JPH1: variants seen among roughly 807,000 people sequenced by gnomAD.
JPH1 encodes the protein junctophilin 1.
JPH1 carries 12 observed loss-of-function variants against 53.6 expected under a neutral mutation model. That is an observed-to-expected ratio of 0.22 (90% CI 0.14 to 0.36). The LOEUF (loss-of-function observed/expected upper bound fraction) is 0.36, where lower values mean the gene tolerates loss of function less well. Among genes scored for constraint, JPH1 ranks in the 10% least tolerant of loss-of-function variants. The pLI, the probability that JPH1 is intolerant of heterozygous loss-of-function variation, is 1.00. For missense variants in JPH1, 808 were observed against 905.5 expected, an observed-to-expected ratio of 0.89 and a Z score of 1.38; for synonymous variants, 375 against 363.8, an observed-to-expected ratio of 1.03 and a Z score of -0.35.
chr8:74,247,683 A>T (rs1189257324), intron 3 of JPH1, among the ~76,000 whole-genome samples: 1 of 152,214 alleles, frequency 6.6e-6, no homozygotes, highest in Admixed American at 6.5e-5. Flanking sequence ...CATGCATTTC[A>T]CTTAGAAGAT....
chr8:74,237,150 A>G, intron 5 of JPH1, 58 bp downstream of exon 5: 1 of 1,141,294 alleles, frequency 8.8e-7, no homozygotes, highest in Non-Finnish European at 1.3e-6. Context: ...GCAAATTTGC[A>G]TATGAGAAAA....
intron 2 of JPH1, among the ~76,000 whole-genome samples, chr8:74,305,745 G>A (rs1807814157): frequency 6.6e-6 from 1 of 152,096 alleles, no homozygotes; most frequent in Non-Finnish European, 1.5e-5. Flanking sequence ...ACCCTATACA[G>A]TCTCTTCTCC....
chr8:74,258,619 CCTTTGAA>C (rs1302195510), intron 3 of JPH1, among the ~76,000 whole-genome samples: 2 of 152,104 alleles, frequency 1.3e-5, no homozygotes, highest in African/African-American at 4.8e-5. Context: ...TAACCACAGT[CCTTTGAA>C]CTTTGAACTT....
chr8:74,298,389 T>G (rs1040813811), intron 2 of JPH1, among the ~76,000 whole-genome samples: 6 of 152,216 alleles, frequency 3.9e-5, no homozygotes, highest in African/African-American at 1.2e-4. Flanking sequence ...CCTAGATGCA[T>G]TTATTCATGT....
chr8:74,255,147 C>G (rs536268046), intron 3 of JPH1, among the ~76,000 whole-genome samples: 2,119 of 152,210 alleles, frequency 0.014, 75 homozygotes, highest in African/African-American at 0.049. Flanking sequence ...TCAAACTATA[C>G]TATAAGGCTA....
chr8:74,265,732 G>A (rs1409736351), intron 2 of JPH1, among the ~76,000 whole-genome samples: 1 of 152,092 alleles, frequency 6.6e-6, no homozygotes, highest in Non-Finnish European at 1.5e-5. Context: ...CTGATAAGGG[G>A]TTAGTATCTA....
At chr8:74,273,518 C>G (rs929235107) in intron 2 of JPH1, among the ~76,000 whole-genome samples, 6 of 152,178 alleles carry the variant, frequency 3.9e-5, no homozygotes, top group Non-Finnish European at 1.5e-5. Context: ...TTAGATACAA[C>G]TCTTATACTA....
chr8:74,254,998 C>T (rs538787468), intron 3 of JPH1, among the ~76,000 whole-genome samples: 1 of 152,242 alleles, frequency 6.6e-6, no homozygotes, highest in East Asian at 1.9e-4. Context: ...CAATGCTGTC[C>T]CCATCAAGCT....
chr8:74,295,830 C>T (rs543054799), intron 2 of JPH1, among the ~76,000 whole-genome samples: 18 of 152,134 alleles, frequency 1.2e-4, no homozygotes, highest in African/African-American at 3.6e-4. Context: ...GGTACAGTCC[C>T]CAGGTCATGA....
chr8:74,292,008 A>C (rs191759139), intron 2 of JPH1, among the ~76,000 whole-genome samples: 13 of 152,178 alleles, frequency 8.5e-5, no homozygotes, highest in Non-Finnish European at 1.9e-4. Context: ...GGGGAACATC[A>C]CACCCCAGGG....
In JPH1 at chr8:74,314,845, C is replaced by A. The variant is rs1808094043; in HGVS notation, c.1139+16G>T. The A allele has an allele frequency of 6.2e-7, 1 of 1,613,600 alleles. No individual in the cohort carries two copies. Among genetic ancestry groups the A allele is most frequent in the Middle Eastern group, 1.7e-4 (1 of 6,058 alleles). On this transcript the variant is annotated intron_variant, in intron 2 of 5. Transcript: ENST00000342232. ...CTGACCAACCCAGCAAAACCAACCACCCTGCATTTACTTACCTTGAATTTG... is the reference window on the plus strand; with the variant it reads ...CTGACCAACCCAGCAAAACCAACCAACCTGCATTTACTTACCTTGAATTTG...
At chr8:74,282,154 T>C (rs1277810683) in intron 2 of JPH1, among the ~76,000 whole-genome samples, 1 of 152,176 alleles carries the variant, frequency 6.6e-6, no homozygotes, top group Non-Finnish European at 1.5e-5. Flanking sequence ...TTAATTTACT[T>C]GCCCAAGTTG....
At chr8:74,308,470 A>T (rs1446656577) in intron 2 of JPH1, among the ~76,000 whole-genome samples, 5 of 152,236 alleles carry the variant, frequency 3.3e-5, no homozygotes, top group Non-Finnish European at 7.3e-5. Context: ...TTTGCCCAGC[A>T]AAACAAAATT....
In JPH1 at chr8:74,244,959, G is replaced by A. The variant is rs377278223; in HGVS notation, c.1475C>T (p.Ala492Val). The A allele has an allele frequency of 3.5e-5, 56 of 1,614,056 alleles. No homozygotes were observed. The highest frequency in any genetic ancestry group is 3.0e-4 in the South Asian group (27 of 91,066). ...PLKKQNPSSG[A>V]RLNQDKRSVA... ...ACTCCTTTTGTCTTGGTTGAGTCTC[G>A]CCCCTGAGCTGGGGTTTTGCTTCTT... Residue 492 changes from alanine to valine, a missense_variant, in exon 4 of 6, where the codon GCG (alanine) becomes GTG (valine). Transcript: ENST00000342232.
chr8:74,313,670 G>A (rs897321588), intron 2 of JPH1, among the ~76,000 whole-genome samples: 33 of 151,884 alleles, frequency 2.2e-4, no homozygotes, highest in African/African-American at 7.5e-4. Flanking sequence ...AAAAAAAAGG[G>A]AGGTTCATTA....
At chr8:74,271,937 G>A (rs989688997) in intron 2 of JPH1, among the ~76,000 whole-genome samples, 1 of 152,192 alleles carries the variant, frequency 6.6e-6, no homozygotes, top group Non-Finnish European at 1.5e-5. Context: ...TTGTTCCACA[G>A]AATAAGAAGG....
intron 1 of JPH1, among the ~76,000 whole-genome samples, chr8:74,317,962 G>C (rs116260464): frequency 2.2e-3 from 334 of 152,284 alleles, no homozygotes; most frequent in African/African-American, 7.2e-3. Context: ...GGGGGGACAA[G>C]AGCATTGGCC....
chr8:74,261,769 TAATG>T (rs1213611271), intron 2 of JPH1, among the ~76,000 whole-genome samples: 2 of 152,218 alleles, frequency 1.3e-5, no homozygotes, highest in Non-Finnish European at 2.9e-5. Flanking sequence ...GTGTCATAAT[TAATG>T]AAGCCATAAG....
rs555262869 is a variant in JPH1, at chr8:74,321,331, G to A, written c.-44C>T. On this transcript the variant is annotated 5_prime_UTR_variant, in exon 1 of 6. Transcript: ENST00000342232. This position sits in a 1 kb window ranked among gnomAD's most constrained non-coding sequence, Gnocchi z 4.3. ...GCGCTCCCCGCAGGGGCACGGACGC[G>A]GGCAGTGCTGGGCACGGCAGGGTGT... 3.4e-6 allele frequency: 5 copies of A among 1,464,514 alleles called. No homozygotes were observed. The highest frequency in any genetic ancestry group is 2.4e-5 in the Admixed American group (1 of 40,904). The allele number at this position is 1,464,514 out of a possible 1,614,324, so 90.7% of individuals were successfully genotyped here.
Sources: allele counts gnomAD v4.1 joint callset (sites outside exome capture counted in the v4.1 genomes callset), GRCh38; gene constraint gnomAD v4.1.1; non-coding constraint Gnocchi (gnomAD v3.1); transcripts MANE v1.5; gene names NCBI Gene and HGNC (gene_info 2026-07-23, HGNC 2026-07-21).